The following PSMC1 variants were observed in gnomAD, a reference collection of about 807,000 sequenced individuals.
PSMC1 encodes 26S proteasome regulatory subunit 4.
A neutral mutation model predicts 49.8 loss-of-function variants in PSMC1; 5 were observed. That is an observed-to-expected ratio of 0.10 (90% CI 0.05 to 0.21). The LOEUF (loss-of-function observed/expected upper bound fraction) is 0.21, where lower values mean the gene tolerates loss of function less well. Ranked by LOEUF, PSMC1 falls within the 10% of genes least tolerant of loss-of-function variation. PSMC1 has a pLI of 1.00. For missense variants in PSMC1, 181 were observed against 535.7 expected, an observed-to-expected ratio of 0.34 and a Z score of 6.54; for synonymous variants, 155 against 192.1, an observed-to-expected ratio of 0.81 and a Z score of 1.60.
Position 90,256,589 on chromosome 14 carries a change from C to A in PSMC1, c.-9C>A, listed in dbSNP as rs763864347. ...TTCCGGCAGCGGCAGCTCAAGTGGC[C>A]AAGGCAAGATGGTGAGTGACTAAGG... On this transcript the variant is annotated 5_prime_UTR_variant, in exon 1 of 11. Coordinates refer to ENST00000261303, the MANE Select transcript of PSMC1 (RefSeq NM_002802.3). The A allele has an allele frequency of 6.3e-7, 1 of 1,589,096 alleles. No individual in the cohort carries two copies.
chr14:90,264,089 A>G lies in PSMC1; in HGVS notation c.514A>G (p.Thr172Ala). Residue 172 changes from threonine to alanine, a missense_variant, in exon 6 of 11, where the codon ACA becomes GCA. Physicochemically the swap from Thr to Ala is moderately conservative, Grantham distance 58 (BLOSUM62 0). This residue lies in a region of PSMC1 where 121 missense variants were observed against 358.6 expected (regional missense o/e 0.34). Coordinates refer to ENST00000261303, the MANE Select transcript of PSMC1 (RefSeq NM_002802.3). ...GATGGATGACACGGATCCCCTGGTCACAGTGATGAAGGTAGAAAAGGCCCC... is the reference window on the plus strand; with the variant it reads ...GATGGATGACACGGATCCCCTGGTCGCAGTGATGAAGGTAGAAAAGGCCCC... The part of the protein sequence containing the change: ...VLMDDTDPLV[T>A]VMKVEKAPQE... The G allele has an allele frequency of 6.2e-7, 1 of 1,613,398 alleles. No individual in the cohort carries two copies. Among genetic ancestry groups the G allele is most frequent in the Non-Finnish European group, 8.5e-7 (1 of 1,179,836 alleles).
At position 90,274,838 on chromosome 14, in the gene PSMC1, A is replaced by ACACACCCCCCCC. The variant is rs1491397403; in HGVS notation, c.*2432_*2433insACACCCCCCCCC. On this transcript the variant is annotated 3_prime_UTR_variant, in exon 11 of 11. Transcript: ENST00000261303. ...CACACACACACACACACACACACAC[A>ACACACCCCCCCC]CCCCAATACATATGAATTGATCTGA... 8.9e-5 allele frequency: 6 copies of ACACACCCCCCCC among 67,178 alleles called. No homozygotes were observed. Among genetic ancestry groups the ACACACCCCCCCC allele is most frequent in the Non-Finnish European group, 1.3e-4 (4 of 31,314 alleles). The allele number at this position is 67,178 out of a possible 1,614,324, so 4.2% of individuals were successfully genotyped here. A position where few individuals can be genotyped will look rare whatever the true frequency, so the allele number is the denominator to read the frequency against.
intron 10 of PSMC1, chr14:90,270,642 T>C (rs2139652291): frequency 3.6e-6 from 1 of 274,460 alleles, no homozygotes; most frequent in East Asian, 7.0e-5. Flanking sequence ...CAAATGTAGC[T>C]GCTCAGTCCC....
rs567227652 is a variant in PSMC1 at position 90,256,570 on chromosome 14, C to T, written c.-28C>T. ...GCCGCAGTGGTGGAGGAACTTCCGG[C>T]AGCGGCAGCTCAAGTGGCCAAGGCA... On this transcript the variant is annotated 5_prime_UTR_variant, in exon 1 of 11. Coordinates refer to ENST00000261303, the MANE Select transcript of PSMC1 (RefSeq NM_002802.3). The T allele has an allele frequency of 1.3e-6, 2 of 1,583,080 alleles. No individual in the cohort carries two copies. Among genetic ancestry groups the T allele is most frequent in the African/African-American group, 2.7e-5 (2 of 74,474 alleles).
chr14:90,262,929 A>C (rs1891429284), intron 3 of PSMC1, among the ~76,000 whole-genome samples: 1 of 152,222 alleles, frequency 6.6e-6, no homozygotes, highest in Non-Finnish European at 1.5e-5. Context: ...CAAATAGATG[A>C]GTATGTATAT....
chr14:90,259,580 T>C (rs1566671188), intron 2 of PSMC1, among the ~76,000 whole-genome samples: 1 of 152,202 alleles, frequency 6.6e-6, no homozygotes, highest in Non-Finnish European at 1.5e-5. Flanking sequence ...TGGAATAATA[T>C]GGCTAATTGT....
intron 7 of PSMC1, among the ~76,000 whole-genome samples, chr14:90,267,024 C>T (rs1196736896): frequency 1.3e-5 from 2 of 152,178 alleles, no homozygotes; most frequent in Non-Finnish European, 2.9e-5. Flanking sequence ...TATCCTGAGG[C>T]ACCTACCCAG....
At chr14:90,260,815 C>T (rs922115390) in intron 3 of PSMC1, among the ~76,000 whole-genome samples, 1 of 152,202 alleles carries the variant, frequency 6.6e-6, no homozygotes, top group Non-Finnish European at 1.5e-5. Flanking sequence ...TAACTCGAAC[C>T]CAGGAGGCAG....
intron 7 of PSMC1, chr14:90,267,934 AG>A (rs1891560963): frequency 3.3e-6 from 1 of 300,348 alleles, no homozygotes; most frequent in African/African-American, 2.2e-5. Flanking sequence ...GCAGCTTTTC[AG>A]GGGAAACTGG....
At position 90,273,301 on chromosome 14, in the gene PSMC1, T is replaced by G. The variant is rs1454443874; in HGVS notation, c.*894T>G. On this transcript the variant is annotated 3_prime_UTR_variant, in exon 11 of 11. Coordinates refer to ENST00000261303, the MANE Select transcript of PSMC1 (RefSeq NM_002802.3). Reference sequence around the variant, plus strand: ...TTGGCCAGGCACGGTGGCTCACGCCTGTAATCCCAGCACTTTGGGAAGCTG... The same window carrying G: ...TTGGCCAGGCACGGTGGCTCACGCCGGTAATCCCAGCACTTTGGGAAGCTG... The G allele has an allele frequency of 2.0e-5, 3 of 152,274 alleles. No individual in the cohort carries two copies. Among genetic ancestry groups the G allele is most frequent in the Non-Finnish European group, 4.4e-5 (3 of 68,084 alleles). 9.4% of individuals were successfully genotyped at this position (152,274 alleles called of 1,614,324 possible). A position where few individuals can be genotyped will look rare whatever the true frequency, so the allele number is the denominator to read the frequency against.
At chr14:90,267,278 C>T (rs1891542612) in intron 7 of PSMC1, among the ~76,000 whole-genome samples, 1 of 152,040 alleles carries the variant, frequency 6.6e-6, no homozygotes, top group Non-Finnish European at 1.5e-5. Context: ...TCTCCTGCCT[C>T]AGCCTCCCGA....
At chr14:90,270,429 A>G in intron 10 of PSMC1, 77 bp downstream of exon 10, 2 of 1,495,052 alleles carry the variant, frequency 1.3e-6, no homozygotes, top group Non-Finnish European at 1.8e-6. Context: ...TGCTCTTGGG[A>G]TGGTGGTTGG....
In PSMC1 at chr14:90,273,611, T is replaced by C. The variant is rs909650615; in HGVS notation, c.*1204T>C. ...CACAATTTTATCTCAGTTCTGTAGG[T>C]CAGAAGTCCAACACGAGTGTCTCCA... On this transcript the variant is annotated 3_prime_UTR_variant, in exon 11 of 11. Coordinates refer to ENST00000261303, the MANE Select transcript of PSMC1 (RefSeq NM_002802.3). 1.3e-5 allele frequency: 2 copies of C among 152,436 alleles called. No individual in the cohort carries two copies. Among genetic ancestry groups the C allele is most frequent in the Admixed American group, 6.5e-5 (1 of 15,280 alleles). The allele number at this position is 152,436 out of a possible 1,614,324, so 9.4% of individuals were successfully genotyped here.
chr14:90,262,607 A>T (rs1891421542), intron 3 of PSMC1, among the ~76,000 whole-genome samples: 2 of 151,904 alleles, frequency 1.3e-5, no homozygotes, highest in Admixed American at 1.3e-4. Flanking sequence ...ACACGTTGAA[A>T]CCCCGTCTCT....
At chr14:90,266,672 G>A (rs1195483514) in intron 7 of PSMC1, among the ~76,000 whole-genome samples, 1 of 152,206 alleles carries the variant, frequency 6.6e-6, no homozygotes, top group East Asian at 1.9e-4. Flanking sequence ...GGACAAACAA[G>A]TCTGTCAGAG....
chr14:90,269,929 G>T, intron 9 of PSMC1: 1 of 446,978 alleles, frequency 2.2e-6, no homozygotes, highest in Non-Finnish European at 4.0e-6. Flanking sequence ...TAACACAATA[G>T]GTCTGCCCAG....
Position 90,264,103 on chromosome 14 carries a change from A to G in PSMC1, c.528A>G (p.Val176=). Reference sequence around the variant, plus strand: ...ATCCCCTGGTCACAGTGATGAAGGTAGAAAAGGCCCCCCAGGAGACCTATG... The same window carrying G: ...ATCCCCTGGTCACAGTGATGAAGGTGGAAAAGGCCCCCCAGGAGACCTATG... The part of the protein sequence containing the change: ...DTDPLVTVMK[V]EKAPQETYAD... The change falls in exon 6 of 11, where the codon GTA becomes GTG. Residue 176 remains valine, a synonymous_variant. Coordinates refer to ENST00000261303, the MANE Select transcript of PSMC1 (RefSeq NM_002802.3). 1 of 1,613,512 alleles carries G rather than the reference A, an allele frequency of 6.2e-7. No homozygotes were observed. Among genetic ancestry groups the G allele is most frequent in the Non-Finnish European group, 8.5e-7 (1 of 1,179,888 alleles).
chr14:90,258,062 CG>C (rs1420103833), intron 1 of PSMC1, among the ~76,000 whole-genome samples: 38 of 152,256 alleles, frequency 2.5e-4, no homozygotes, highest in African/African-American at 9.1e-4. Context: ...CAAGCCCCAT[CG>C]TTTTTTTTCT....
At chr14:90,264,951 TAAGAA>T in intron 6 of PSMC1, 114 bp from the exon 7 acceptor site, 1 of 765,052 alleles carries the variant, frequency 1.3e-6, no homozygotes, top group Non-Finnish European at 2.2e-6. Flanking sequence ...ACATTGTCTC[TAAGAA>T]GAGTAATTGA....
Sources: allele counts gnomAD v4.1 joint callset (sites outside exome capture counted in the v4.1 genomes callset), GRCh38; gene constraint gnomAD v4.1.1; regional missense constraint gnomAD v4.1.1; transcripts MANE v1.5; gene names NCBI Gene and HGNC (gene_info 2026-07-23, HGNC 2026-07-21).